Variants in REDIC1 observed in about 807,000 individuals in gnomAD.
REDIC1 encodes HEI10 Interacting Protein 1.
At chr12:39,760,136 G>A in the REDIC1 span, 2 of 1,612,902 alleles carry the variant, frequency 1.2e-6, no homozygotes, top group Non-Finnish European at 1.7e-6. Context: ...CATGTACATA[G>A]CCTGTTGTCA....
At chr12:39,789,619 T>C in the REDIC1 span, among the ~76,000 whole-genome samples, 1 of 152,192 alleles carries the variant, frequency 6.6e-6, no homozygotes, top group Non-Finnish European at 1.5e-5. Flanking sequence ...ATTTTATAGA[T>C]AATACAAACT....
the REDIC1 span, among the ~76,000 whole-genome samples, chr12:39,643,519 C>T: frequency 1.7e-4 from 26 of 151,476 alleles, no homozygotes; most frequent in Admixed American, 1.7e-3. Context: ...AATTTCTAAT[C>T]TTTTGATTTC....
the REDIC1 span, among the ~76,000 whole-genome samples, chr12:39,858,942 T>C: frequency 2.4e-4 from 36 of 152,306 alleles, no homozygotes; most frequent in African/African-American, 8.4e-4. Context: ...AAAAGTTTTA[T>C]GATCGAATCT....
At chr12:39,828,712 GTTT>G in the REDIC1 span, among the ~76,000 whole-genome samples, 8 of 149,828 alleles carry the variant, frequency 5.3e-5, no homozygotes, top group East Asian at 5.9e-4. Context: ...TAGTAACTTA[GTTT>G]TTTTTTTTTC....
chr12:39,676,475 A>G, the REDIC1 span, among the ~76,000 whole-genome samples: 148 of 152,344 alleles, frequency 9.7e-4, no homozygotes, highest in African/African-American at 2.9e-3. Context: ...AACCAAACAT[A>G]AGAATAATCA....
the REDIC1 span, among the ~76,000 whole-genome samples, chr12:39,766,618 T>C: frequency 6.6e-6 from 1 of 152,024 alleles, no homozygotes; most frequent in East Asian, 1.9e-4. Context: ...GTAGCATGCA[T>C]TTTACCCAGA....
the REDIC1 span, chr12:39,716,793 C>A: frequency 1.2e-6 from 2 of 1,602,106 alleles, no homozygotes; most frequent in Non-Finnish European, 1.7e-6. Context: ...CTACTAGTTA[C>A]TCTCCAAGAC....
the REDIC1 span, among the ~76,000 whole-genome samples, chr12:39,655,250 T>C: frequency 6.6e-6 from 1 of 152,198 alleles, no homozygotes; most frequent in East Asian, 1.9e-4. Flanking sequence ...TATAATTTTC[T>C]TTTTCTGCTT....
chr12:39,646,791 C>A, the REDIC1 span: 1 of 1,258,402 alleles, frequency 7.9e-7, no homozygotes, highest in Non-Finnish European at 1.1e-6. Flanking sequence ...AAAGGACAGT[C>A]GATTTTATTT....
chr12:39,861,909 G>A, the REDIC1 span, among the ~76,000 whole-genome samples: 4 of 152,028 alleles, frequency 2.6e-5, no homozygotes, highest in Admixed American at 6.5e-5. Flanking sequence ...ACATGTGCAG[G>A]ACGTGCAGGT....
At chr12:39,896,503 T>C in the REDIC1 span, among the ~76,000 whole-genome samples, 5 of 146,456 alleles carry the variant, frequency 3.4e-5, no homozygotes, top group African/African-American at 9.9e-5. Context: ...CACATATATG[T>C]ATGTACATGT....
chr12:39,671,316 G>A, the REDIC1 span, among the ~76,000 whole-genome samples: 3 of 152,174 alleles, frequency 2.0e-5, no homozygotes, highest in African/African-American at 7.2e-5. Context: ...CGTCAGTGGT[G>A]TCTGATTTCC....
the REDIC1 span, among the ~76,000 whole-genome samples, chr12:39,626,763 T>C: frequency 6.6e-6 from 1 of 152,186 alleles, no homozygotes. Flanking sequence ...ATTTGGAAAT[T>C]GTGAAACAGC....
the REDIC1 span, among the ~76,000 whole-genome samples, chr12:39,883,736 G>A: frequency 6.6e-6 from 1 of 152,216 alleles, no homozygotes; most frequent in East Asian, 1.9e-4. Context: ...CAACATTTTA[G>A]AGCTTGGTCA....
the REDIC1 span, among the ~76,000 whole-genome samples, chr12:39,848,636 G>A: frequency 6.6e-6 from 1 of 152,226 alleles, no homozygotes; most frequent in South Asian, 2.1e-4. Context: ...AGAGCTAAAA[G>A]CAGAACTACC....
the REDIC1 span, among the ~76,000 whole-genome samples, chr12:39,630,424 G>A: frequency 6.6e-6 from 1 of 152,104 alleles, no homozygotes; most frequent in Admixed American, 6.5e-5. Flanking sequence ...ATTTAGGTGA[G>A]GGAGAGGTTA....
chr12:39,748,763 A>T, the REDIC1 span, among the ~76,000 whole-genome samples: 4 of 152,200 alleles, frequency 2.6e-5, no homozygotes, highest in African/African-American at 9.6e-5. Flanking sequence ...AGATTAAGAA[A>T]CTCACTCAAA....
chr12:39,720,778 T>TC, the REDIC1 span: 1 of 1,586,668 alleles, frequency 6.3e-7, no homozygotes, highest in African/African-American at 1.4e-5. Flanking sequence ...ATTATTAATT[T>TC]CTTTTTAGCC....
the REDIC1 span, among the ~76,000 whole-genome samples, chr12:39,693,530 A>G: frequency 6.6e-6 from 1 of 151,854 alleles, no homozygotes; most frequent in South Asian, 2.1e-4. Flanking sequence ...AGCCTTTCTC[A>G]TTCTAAATGT....
Sources: gnomAD v4.1 joint callset for allele counts (sites outside exome capture counted in the v4.1 genomes callset) on GRCh38, gnomAD v4.1.1 for gene constraint, MANE v1.5 for transcripts, NCBI Gene and HGNC (gene_info 2026-07-23, HGNC 2026-07-21) for gene names.